Variants in APOOL observed in about 807,000 individuals in gnomAD.
The protein encoded by APOOL is MICOS complex subunit MIC27.
A neutral mutation model predicts 23.1 loss-of-function variants in APOOL; 12 were observed. The ratio of observed to expected loss-of-function variants is 0.52; its 90% CI spans 0.33 to 0.84. The LOEUF (loss-of-function observed/expected upper bound fraction) is 0.84. Among genes scored for constraint, APOOL ranks in the 40% least tolerant of loss-of-function variants. The pLI, the probability that APOOL is intolerant of heterozygous loss-of-function variation, is 0.02. For missense variants in APOOL, 212 were observed against 199.6 expected (o/e 1.06, Z -0.37); for synonymous variants, 77 against 69.9 (o/e 1.10, Z -0.51).
intron 5 of APOOL, among the ~76,000 whole-genome samples, chrX:85,061,468 CTT>C (rs1923218949): frequency 8.9e-6 from 1 of 111,952 alleles, no homozygotes; most frequent in South Asian, 3.7e-4. Flanking sequence ...ACCAGCTCCT[CTT>C]TGTACCTCTG....
chrX:85,088,340 TTTTTTC>T lies in APOOL; in HGVS notation c.*663_*668del, dbSNP rs1924438148. 1 of 81,940 alleles carries T rather than the reference TTTTTTC, an allele frequency of 1.2e-5. No individual in the cohort carries two copies. Among genetic ancestry groups the T allele is most frequent in the Non-Finnish European group, 2.3e-5 (1 of 44,347 alleles). 6.8% of individuals were successfully genotyped at this position (81,940 alleles called of 1,213,427 possible). A position where few individuals can be genotyped will look rare whatever the true frequency, so the allele number is the denominator to read the frequency against. On this transcript the variant is annotated 3_prime_UTR_variant, in exon 9 of 9. Coordinates refer to ENST00000373173, the MANE Select transcript of APOOL (RefSeq NM_198450.6). ...TGTTTTTTTTTTTTTTTTTTTTTTT[TTTTTTC>T]CCATTTCCTAGAGCTGGAATAAAAT...
At chrX:85,078,334 T>G (rs1923943164) in intron 8 of APOOL, among the ~76,000 whole-genome samples, 1 of 111,982 alleles carries the variant, frequency 8.9e-6, no homozygotes, top group Admixed American at 9.5e-5. Context: ...CAGCACCATT[T>G]ATTAAATAGG....
At chrX:85,074,678 G>A (rs1183515808) in intron 8 of APOOL, among the ~76,000 whole-genome samples, 1 of 110,027 alleles carries the variant, frequency 9.1e-6, no homozygotes, top group Non-Finnish European at 1.9e-5. Context: ...GAGCTATTAG[G>A]TGGGGGAAAA....
In APOOL at chrX:85,093,139, A is replaced by C; in HGVS notation, c.*5461A>C. ...ATTTATGCCCTGTGAATATTTATTA[A>C]GAAAAGGTTAATGTATAGAATATCA... On this transcript the variant is annotated 3_prime_UTR_variant, in exon 9 of 9. Transcript: ENST00000373173. The C allele has an allele frequency of 9.1e-7, 1 of 1,095,905 alleles. No individual in the cohort carries two copies. The highest frequency in any genetic ancestry group is 2.1e-5 in the South Asian group (1 of 47,567). The allele number at this position is 1,095,905 out of a possible 1,213,427, so 90.3% of individuals were successfully genotyped here.
chrX:85,078,756 T>G (rs1470433946), intron 8 of APOOL, among the ~76,000 whole-genome samples: 1 of 111,389 alleles, frequency 9.0e-6, no homozygotes, highest in Non-Finnish European at 1.9e-5. Context: ...TTGTGTCCTC[T>G]TTTATTTTGT....
At position 85,089,816 on chromosome X, in the gene APOOL, C is replaced by T. The variant is rs1361035895; in HGVS notation, c.*2138C>T. ...CTTCTCTAATCCTATAATTACTCTC[C>T]CTCAAGTCATCATCATCACTTTTCT... On this transcript the variant is annotated 3_prime_UTR_variant, in exon 9 of 9. Transcript: ENST00000373173. 9.0e-6 allele frequency: 1 copy of T among 111,166 alleles called. No homozygotes were observed. The highest frequency in any genetic ancestry group is 3.3e-5 in the African/African-American group (1 of 30,549). The allele number at this position is 111,166 out of a possible 1,213,427, so 9.2% of individuals were successfully genotyped here. A position where few individuals can be genotyped will look rare whatever the true frequency, so the allele number is the denominator to read the frequency against.
At chrX:85,051,868 A>G (rs752313935) in intron 3 of APOOL, among the ~76,000 whole-genome samples, 1 of 112,011 alleles carries the variant, frequency 8.9e-6, no homozygotes, top group South Asian at 3.7e-4. Context: ...TGGTGATCTC[A>G]AATAGGTCAG....
In APOOL at chrX:85,072,895, A is replaced by C. The variant is rs146689400; in HGVS notation, c.487-1103A>C. Reference sequence around the variant, plus strand: ...AAACATAATTGAGATTGTATTGTATAATCTATTCTGTAACTTTTTCAAATT... The same window carrying C: ...AAACATAATTGAGATTGTATTGTATCATCTATTCTGTAACTTTTTCAAATT... On this transcript the variant is annotated intron_variant, in intron 6 of 8. Transcript: ENST00000373173. 5.0e-3 allele frequency among the ~76,000 whole-genome samples: 559 copies of C among 112,082 alleles called. 9 individuals are homozygous for C. In the East Asian group the frequency reaches 0.058, roughly 12 times the overall value.
At chrX:85,080,047 G>A (rs1190855718) in intron 8 of APOOL, among the ~76,000 whole-genome samples, 12 of 111,168 alleles carry the variant, frequency 1.1e-4, no homozygotes, top group Non-Finnish European at 1.7e-4. Flanking sequence ...ATCAGCTCCT[G>A]GATTCATTGA....
chrX:85,037,256 T>C (rs979184668), intron 1 of APOOL, among the ~76,000 whole-genome samples: 3 of 111,953 alleles, frequency 2.7e-5, no homozygotes, highest in Non-Finnish European at 3.8e-5. Context: ...AAATCTCATC[T>C]TGAATTGTAG....
chrX:85,046,565 A>G lies in APOOL; in HGVS notation c.120+15A>G, dbSNP rs763802004. 2.0e-5 allele frequency: 23 copies of G among 1,130,268 alleles called. No individual in the cohort carries two copies. Among genetic ancestry groups the G allele is most frequent in the Non-Finnish European group, 2.5e-5 (21 of 827,909 alleles). The allele number at this position is 1,130,268 out of a possible 1,213,427, so 93.1% of individuals were successfully genotyped here. ...AACCAGAGCAGGTAATTTGCCTACA[A>G]AGGTTTATGAACTTTGTATAATATC... On this transcript the variant is annotated intron_variant, in intron 2 of 8. Coordinates refer to ENST00000373173, the MANE Select transcript of APOOL (RefSeq NM_198450.6).
In APOOL at chrX:85,067,159, G is replaced by T; in HGVS notation, c.427G>T (p.Gly143Ter). ...SKFKKITYPLGLATLGATVCY... is the reference protein window; with the variant it reads ...SKFKKITYPL ...GTTTAAGAAAATTACTTATCCTCTG[G>T]GACTGGCCACTTTAGGAGCAACTGT... Residue 143 changes from glycine (G) to a stop codon, truncating the protein, a stop_gained, in exon 6 of 9, where the codon GGA (glycine) becomes TGA (stop). Coordinates refer to ENST00000373173, the MANE Select transcript of APOOL (RefSeq NM_198450.6). LOFTEE classifies it high-confidence loss of function. 2.6e-6 allele frequency: 3 copies of T among 1,158,959 alleles called. No individual in the cohort carries two copies. The highest frequency in any genetic ancestry group is 3.5e-6 in the Non-Finnish European group (3 of 867,155).
intron 1 of APOOL, among the ~76,000 whole-genome samples, chrX:85,010,358 A>T (rs1220212346): frequency 9.0e-6 from 1 of 111,691 alleles, no homozygotes; most frequent in Non-Finnish European, 1.9e-5. Context: ...TTGCCCATTT[A>T]AAAAAAATTT....
chrX:85,054,308 A>C (rs781239956), intron 3 of APOOL, 36 bp from the exon 4 acceptor site: 1 of 1,145,243 alleles, frequency 8.7e-7, no homozygotes, highest in African/African-American at 1.8e-5. Flanking sequence ...CAGCTTCAAA[A>C]ATGCAGATGT....
At chrX:85,006,993 T>G (rs1921101865) in intron 1 of APOOL, among the ~76,000 whole-genome samples, 1 of 110,211 alleles carries the variant, frequency 9.1e-6, no homozygotes. Context: ...AAGGCCAGAG[T>G]TGGTCGAGAT....
At chrX:85,008,535 T>TTG (rs57105866) in intron 1 of APOOL, among the ~76,000 whole-genome samples, 6,394 of 86,066 alleles carry the variant, frequency 0.074, 223 homozygotes, top group Non-Finnish European at 0.095. Context: ...TGATAACCCG[T>TTG]TGTGTGTGTG....
intron 8 of APOOL, among the ~76,000 whole-genome samples, chrX:85,085,577 C>G (rs767418981): frequency 8.9e-6 from 1 of 111,973 alleles, no homozygotes; most frequent in African/African-American, 3.2e-5. Context: ...ATTCCAATTT[C>G]TCTCCTTTGT....
intron 1 of APOOL, among the ~76,000 whole-genome samples, chrX:85,014,910 G>A (rs766093269): frequency 1.8e-5 from 2 of 109,779 alleles, no homozygotes; most frequent in South Asian, 4.0e-4. Context: ...TCCTTCAAAC[G>A]AGTTTTCCAA....
intron 1 of APOOL, among the ~76,000 whole-genome samples, chrX:85,008,784 A>G (rs1428208563): frequency 9.0e-6 from 1 of 110,798 alleles, no homozygotes; most frequent in African/African-American, 3.3e-5. Context: ...GCAATTGTTT[A>G]TTTTTTCTAT....
Sources: allele counts gnomAD v4.1 joint callset (sites outside exome capture counted in the v4.1 genomes callset), GRCh38; gene constraint gnomAD v4.1.1; transcripts MANE v1.5; gene names NCBI Gene and HGNC (gene_info 2026-07-23, HGNC 2026-07-21).